The following ANKRD18B variants were observed in gnomAD, a reference collection of about 807,000 sequenced individuals.
ANKRD18B encodes ankyrin repeat domain-containing protein 18B.
A neutral mutation model predicts 111.8 loss-of-function variants in ANKRD18B; 75 were observed. The observed-to-expected ratio is 0.67, with a 90% confidence interval of 0.56 to 0.81. The LOEUF is 0.81. Ranked by LOEUF, ANKRD18B falls within the 40% of genes least tolerant of loss-of-function variation. The pLI is 0.00. For missense variants in ANKRD18B, 1,038 were observed against 1,225.5 expected (o/e 0.85, Z 2.28); for synonymous variants, 356 against 417.3 (o/e 0.85, Z 1.79).
At chr9:33,569,463 C>T (rs1828736841) in intron 17 of ANKRD18B, among the ~76,000 whole-genome samples, 1 of 151,786 alleles carries the variant, frequency 6.6e-6, no homozygotes, top group African/African-American at 2.4e-5. Context: ...TAGGATTTCA[C>T]CATATTGGCC....
chr9:33,568,482 T>C (rs117734342), intron 16 of ANKRD18B, among the ~76,000 whole-genome samples, 189 bp from the exon 17 acceptor site: 319 of 152,352 alleles, frequency 2.1e-3, no homozygotes, highest in Admixed American at 3.4e-3. Context: ...GAAACACATA[T>C]ACTTATTTAG....
chr9:33,560,542 A>G (rs1828591461), intron 14 of ANKRD18B, among the ~76,000 whole-genome samples: 1 of 152,222 alleles, frequency 6.6e-6, no homozygotes, highest in African/African-American at 2.4e-5. Flanking sequence ...TTCTATCAGT[A>G]TCAGTACTAA....
chr9:33,529,736 C>A lies in ANKRD18B; in HGVS notation c.495+563C>A, dbSNP rs193282636. On this transcript the variant is annotated intron_variant, in intron 3 of 18. Transcript: ENST00000684830. ...CCAGTTTATGTATTGAGACAAAGCG[C>A]TCTTCAGCTTTGGGGTAATCATTTT... Among the ~76,000 whole-genome samples the A allele has an allele frequency of 3.2e-3, 485 of 152,280 alleles. 3 individuals carry two copies. The highest frequency in any genetic ancestry group is 8.1e-3 in the Admixed American group (124 of 15,288).
Position 33,558,113 on chromosome 9 carries a change from G to A in ANKRD18B, c.2386G>A (p.Asp796Asn). The A allele has an allele frequency of 6.2e-6, 10 of 1,612,136 alleles. No homozygotes were observed. Among genetic ancestry groups the A allele is most frequent in the Non-Finnish European group, 8.5e-6 (10 of 1,179,148 alleles). Residue 796 changes from aspartate (D) to asparagine (N), a missense_variant, in exon 14 of 19, where the codon GAC becomes AAC. Coordinates refer to ENST00000684830, the MANE Select transcript of ANKRD18B (RefSeq NM_001393611.1). ...INMLNAFANE[D>N]FSCHGDLNTD... ...TATGTTAAATGCATTTGCAAATGAAGACTTCAGTTGCCATGGAGACTTAAA... is the reference window on the plus strand; with the variant it reads ...TATGTTAAATGCATTTGCAAATGAAAACTTCAGTTGCCATGGAGACTTAAA...
rs1469676488 is a variant in ANKRD18B, at chr9:33,567,263, C to G, written c.2903C>G (p.Ala968Gly). The G allele has an allele frequency of 9.8e-5, 151 of 1,547,974 alleles. No homozygotes were observed. Among genetic ancestry groups the G allele is most frequent in the Non-Finnish European group, 1.3e-4 (148 of 1,145,868 alleles). ...ACTGAATTAGAAGAGTATAAGGAAG[C>G]CTTTGCAGTAGCATTGAAAGCTAAC... ...VTTELEEYKEAFAVALKANSS... is the reference protein window; with the variant it reads ...VTTELEEYKEGFAVALKANSS... The change falls in exon 16 of 19, where the codon GCC becomes GGC. Residue 968 changes from alanine to glycine, a missense_variant. By Grantham distance (60) the Ala-to-Gly change is moderately conservative. Around this residue, in one of 4 missense-constraint regions of ANKRD18B, gnomAD observed 524 missense variants for 677.9 expected, o/e 0.77. Coordinates refer to ENST00000684830, the MANE Select transcript of ANKRD18B (RefSeq NM_001393611.1).
chr9:33,527,350 C>G (rs988161039), intron 1 of ANKRD18B, among the ~76,000 whole-genome samples: 5 of 151,610 alleles, frequency 3.3e-5, no homozygotes, highest in African/African-American at 4.8e-5. Flanking sequence ...GCGACAGAGT[C>G]TCACTCTGTC....
At chr9:33,574,178 AGGTCAGTGGGAAATT>A (rs1279346687), downstream of ANKRD18B, among the ~76,000 whole-genome samples, 3 of 110,934 alleles carry the variant, frequency 2.7e-5, 1 homozygote, top group East Asian at 9.2e-4. Flanking sequence ...AGTGGGGACC[AGGTCAGTGGGAAATT>A]GGTCAGTGGG....
chr9:33,568,558 G>C (rs1828720580), intron 16 of ANKRD18B, 113 bp from the exon 17 acceptor site: 2 of 911,340 alleles, frequency 2.2e-6, no homozygotes, highest in East Asian at 2.7e-5. Context: ...TGAAAACACT[G>C]TTTAATGGGT....
chr9:33,569,411 C>T (rs144521321), intron 17 of ANKRD18B, among the ~76,000 whole-genome samples: 3,518 of 151,784 alleles, frequency 0.023, 116 homozygotes, highest in Admixed American at 0.09. Context: ...ACTACAGGTG[C>T]CTGCCACCAC....
chr9:33,556,484 G>T (rs1206284833), intron 13 of ANKRD18B, among the ~76,000 whole-genome samples: 1 of 152,046 alleles, frequency 6.6e-6, no homozygotes, highest in South Asian at 2.1e-4. Context: ...GGCTGGTCTC[G>T]AACTCCTGAC....
At chr9:33,556,445 G>T (rs1320873452) in intron 13 of ANKRD18B, among the ~76,000 whole-genome samples, 1 of 152,060 alleles carries the variant, frequency 6.6e-6, no homozygotes, top group African/African-American at 2.4e-5. Context: ...TGTATTTTTA[G>T]TAGAGATGGG....
rs754651927 is a variant in ANKRD18B at position 33,548,267 on chromosome 9, C to G, written c.1479C>G (p.Leu493=). ...KERLEAEVES[L]HSNLATAINE... is the part of the protein sequence containing the mutation. Reference sequence around the variant, plus strand: ...GACTAGAAGCTGAAGTTGAATCCCTCCATTCTAACTTGGCCACTGCTATAA... The same window carrying G: ...GACTAGAAGCTGAAGTTGAATCCCTGCATTCTAACTTGGCCACTGCTATAA... The change falls in exon 11 of 19, where the codon CTC becomes CTG. Residue 493 remains leucine, a synonymous_variant. Coordinates refer to ENST00000684830, the MANE Select transcript of ANKRD18B (RefSeq NM_001393611.1). The G allele has an allele frequency of 2.1e-5, 33 of 1,550,970 alleles. No homozygotes were observed. In the African/African-American group the frequency reaches 4.2e-4, roughly 20 times the overall value.
chr9:33,566,604 TAC>T, intron 15 of ANKRD18B, 104 bp downstream of exon 15: 3 of 1,367,130 alleles, frequency 2.2e-6, no homozygotes, highest in South Asian at 2.9e-5. Context: ...CTGCCTCTCT[TAC>T]GGCAATTTCC....
At chr9:33,528,514 A>T in intron 1 of ANKRD18B, 1 of 463,130 alleles carries the variant, frequency 2.2e-6, no homozygotes, top group Non-Finnish European at 3.8e-6. Flanking sequence ...AGTTAAGCTG[A>T]ATCCAAACAC....
chr9:33,566,766 A>G (rs569192725), intron 15 of ANKRD18B, among the ~76,000 whole-genome samples: 2 of 152,276 alleles, frequency 1.3e-5, no homozygotes, highest in Admixed American at 6.5e-5. Context: ...GGCATAAGAG[A>G]AAACTGTGAT....
intron 16 of ANKRD18B, 72 bp from the exon 17 acceptor site, chr9:33,568,599 A>C: frequency 7.2e-7 from 1 of 1,379,976 alleles, no homozygotes; most frequent in Non-Finnish European, 9.6e-7. Flanking sequence ...CAACTGTTTA[A>C]AAAATGCAAG....
At chr9:33,558,287 C>G (rs1479661369) in intron 14 of ANKRD18B, 100 bp downstream of exon 14, 16 of 1,340,576 alleles carry the variant, frequency 1.2e-5, no homozygotes, top group Non-Finnish European at 1.6e-5. Flanking sequence ...TGGTTTGCTG[C>G]ACGTATCAAT....
rs771110484 is a variant in ANKRD18B at position 33,529,037 on chromosome 9, T to G, written c.359T>G (p.Leu120Arg). ...HCQEEACAII[L>R]LKRGANPNIK... ...CAGGAAGAGGCTTGTGCCATTATTC[T>G]CCTGAAACGTGGCGCCAATCCAAAC... is the stretch of plus-strand genomic sequence containing the variant. The change falls in exon 3 of 19, where the codon CTC becomes CGC. Residue 120 changes from leucine to arginine, a missense_variant. Leu to Arg is a moderately radical substitution (Grantham distance 102, BLOSUM62 -2). This residue lies in a region of ANKRD18B where 216 missense variants were observed against 205.1 expected (regional missense o/e 1.05). Coordinates refer to ENST00000684830, the MANE Select transcript of ANKRD18B (RefSeq NM_001393611.1). 5 of 1,612,410 alleles carry G rather than the reference T, an allele frequency of 3.1e-6. No individual in the cohort carries two copies. Among genetic ancestry groups the G allele is most frequent in the Middle Eastern group, 4.2e-4 (2 of 4,764 alleles).
In ANKRD18B at chr9:33,534,508, G is replaced by C; in HGVS notation, c.740+1G>C. 6.5e-7 allele frequency: 1 copy of C among 1,529,136 alleles called. No individual in the cohort carries two copies. 94.7% of individuals were successfully genotyped at this position (1,529,136 alleles called of 1,614,324 possible). A position where few individuals can be genotyped will look rare whatever the true frequency, so the allele number is the denominator to read the frequency against. On this transcript the variant is annotated splice_donor_variant, in intron 5 of 18. Transcript: ENST00000684830. LOFTEE classifies it high-confidence loss of function. Reference sequence around the variant, plus strand: ...ATGCTTTTTGTTGTGATTTGAGAAGGTATGTGCTTATATTAAAAGACCGGT... The same window carrying C: ...ATGCTTTTTGTTGTGATTTGAGAAGCTATGTGCTTATATTAAAAGACCGGT...
Sources: allele counts gnomAD v4.1 joint callset (sites outside exome capture counted in the v4.1 genomes callset), GRCh38; gene constraint gnomAD v4.1.1; regional missense constraint gnomAD v4.1.1; transcripts MANE v1.5; gene names NCBI Gene and HGNC (gene_info 2026-07-23, HGNC 2026-07-21).